The following GAK variants were observed in gnomAD, a reference collection of about 807,000 sequenced individuals.
The protein encoded by GAK is cyclin G associated kinase.
In GAK, 79 loss-of-function variants were observed where a neutral mutation model predicts 143.9. The observed-to-expected ratio is 0.55, with a 90% CI of 0.46 to 0.66. The LOEUF (loss-of-function observed/expected upper bound fraction) is 0.66, where lower values mean the gene tolerates loss of function less well. Ranked by LOEUF, GAK falls within the 30% of genes least tolerant of loss-of-function variation. The pLI is 0.00. For missense variants in GAK, 1,693 were observed against 1,779.7 expected, an observed-to-expected ratio of 0.95 and a Z score of 0.88; for synonymous variants, 881 against 765.5, an observed-to-expected ratio of 1.15 and a Z score of -2.49.
At chr4:864,975 T>A in intron 23 of GAK, 147 bp downstream of exon 23, 1 of 1,118,258 alleles carries the variant, frequency 8.9e-7, no homozygotes, top group Non-Finnish European at 1.2e-6. Context: ...CACAGCCTTG[T>A]GTGCGGAGCC....
intron 15 of GAK, among the ~76,000 whole-genome samples, chr4:881,038 C>T (rs1452151494): frequency 6.6e-6 from 1 of 152,178 alleles, no homozygotes; most frequent in Non-Finnish European, 1.5e-5. Context: ...ATGATCTCCT[C>T]CCCCCAAGGC....
At position 859,585 on chromosome 4, in the gene GAK, C is replaced by T. The variant is rs760204570; in HGVS notation, c.3283+21G>A. The T allele has an allele frequency of 2.6e-5, 42 of 1,590,502 alleles. No individual in the cohort carries two copies. The Admixed American group carries it at 3.0e-4, about 11-fold the overall frequency. On this transcript the variant is annotated intron_variant, in intron 24 of 27. Coordinates refer to ENST00000314167, the MANE Select transcript of GAK (RefSeq NM_005255.4). The stretch of plus-strand genomic sequence containing the variant: ...CTACAAGGAAACAGCTTCCACACCC[C>T]CAAAGTGCCCTCCACGTTACCTTGG...
intron 27 of GAK, 57 bp from the exon 28 acceptor site, chr4:849,831 A>AGGGGCGGG: frequency 1.0e-6 from 1 of 999,060 alleles, no homozygotes; most frequent in Non-Finnish European, 1.4e-6. Flanking sequence ...CGGGCGGGGC[A>AGGGGCGGG]GGACCCCCCC....
chr4:879,047 G>T (rs1164082088), intron 15 of GAK, among the ~76,000 whole-genome samples: 1 of 152,188 alleles, frequency 6.6e-6, no homozygotes, highest in African/African-American at 2.4e-5. Flanking sequence ...AAGAGAAATC[G>T]GCTTTCTCAG....
rs201822084 is a variant in GAK, at chr4:870,039, C to T, written c.2248+672G>A. ...AGCACACACAGATGCACTGTACACA[C>T]GAATGCACACAGCACACAGATACAC... On this transcript the variant is annotated intron_variant, in intron 19 of 27. Coordinates refer to ENST00000314167, the MANE Select transcript of GAK (RefSeq NM_005255.4). 8.7e-4 allele frequency: 134 copies of T among 153,206 alleles called. 2 individuals are homozygous for T. In the East Asian group the frequency reaches 0.019, roughly 21 times the overall value. 9.5% of individuals were successfully genotyped at this position (153,206 alleles called of 1,614,324 possible). A position where few individuals can be genotyped will look rare whatever the true frequency, so the allele number is the denominator to read the frequency against.
At position 851,061 on chromosome 4, in the gene GAK, T is replaced by C; in HGVS notation, c.3532A>G (p.Asn1178Asp). Residue 1178 changes from asparagine (N) to aspartate (D), a missense_variant, in exon 26 of 28, where the codon AAC becomes GAC. By Grantham distance (23) the Asn-to-Asp change is conservative. Coordinates refer to ENST00000314167, the MANE Select transcript of GAK (RefSeq NM_005255.4). ...SFAQKPKVSE[N>D]DFEDLLSNQG... ...TTGGACAACAGATCTTCAAAGTCGT[T>C]CTCAGAGACTTTTGGCTTTTGAGCT... 6.2e-7 allele frequency: 1 copy of C among 1,613,870 alleles called. No individual in the cohort carries two copies. The highest frequency in any genetic ancestry group is 8.5e-7 in the Non-Finnish European group (1 of 1,179,842).
chr4:917,063 G>C (rs952089393), intron 1 of GAK, among the ~76,000 whole-genome samples: 3 of 152,172 alleles, frequency 2.0e-5, no homozygotes, highest in Admixed American at 2.0e-4. Flanking sequence ...CCGAGTAAAA[G>C]ATGCCAGGCG....
chr4:905,464 ACGCCC>A (rs1181277815), intron 4 of GAK, among the ~76,000 whole-genome samples: 10 of 126,382 alleles, frequency 7.9e-5, no homozygotes, highest in Admixed American at 3.9e-4. Context: ...GGGCTCCGCC[ACGCCC>A]CATGCCATGC....
At chr4:856,583 CCACCACAGGTGCT>C (rs1241749635) in intron 24 of GAK, among the ~76,000 whole-genome samples, 11 of 73,448 alleles carry the variant, frequency 1.5e-4, no homozygotes, top group East Asian at 8.5e-4. Context: ...CAGCTGCTCA[CCACCACAGGTGCT>C]CACAGCTGCT....
rs189256273 is a variant in GAK at position 875,293 on chromosome 4, C to T, written c.2054+1237G>A. ...AAAAGAAACAAAATTATTAAAGTTG[C>T]GAATATGTGAGTTAAAAAAAGAAAA... On this transcript the variant is annotated intron_variant, in intron 18 of 27. Coordinates refer to ENST00000314167, the MANE Select transcript of GAK (RefSeq NM_005255.4). 1.4e-3 allele frequency among the ~76,000 whole-genome samples: 207 copies of T among 152,098 alleles called. No homozygotes were observed. In the Middle Eastern group the frequency reaches 0.024, roughly 17 times the overall value.
chr4:909,279 G>T (rs1721614176), intron 4 of GAK, among the ~76,000 whole-genome samples: 1 of 152,264 alleles, frequency 6.6e-6, no homozygotes, highest in African/African-American at 2.4e-5. Flanking sequence ...ACTGGTTTCA[G>T]CACCTCCCAG....
chr4:920,534 G>T (rs1249256135), intron 1 of GAK, among the ~76,000 whole-genome samples: 1 of 128,268 alleles, frequency 7.8e-6, no homozygotes, highest in East Asian at 2.6e-4. Flanking sequence ...AAAAGGTTTA[G>T]AGCCATTTTT....
chr4:914,218 C>T (rs1722584163), intron 1 of GAK, among the ~76,000 whole-genome samples: 1 of 84,986 alleles, frequency 1.2e-5, no homozygotes, highest in Non-Finnish European at 2.3e-5. Context: ...ACAGCCCCCA[C>T]ACACACAGCC....
intron 6 of GAK, among the ~76,000 whole-genome samples, chr4:896,829 T>C (rs1309108337): frequency 1.3e-5 from 2 of 152,268 alleles, no homozygotes; most frequent in East Asian, 1.9e-4. Context: ...ACCGACGTAT[T>C]GGCCTGCTGC....
Position 862,301 on chromosome 4 carries a change from C to T in GAK, c.3167-2579G>A, listed in dbSNP as rs111859143. On this transcript the variant is annotated intron_variant, in intron 23 of 27. Transcript: ENST00000314167. ...GTCATCCGCTAAGATCCGGCTGAGA[C>T]CACTGATGAAGCGGCTGCACCCGCC... Among the ~76,000 whole-genome samples the T allele has an allele frequency of 3.5e-3, 533 of 151,110 alleles. 4 individuals are homozygous for T. The highest frequency in any genetic ancestry group is 0.012 in the African/African-American group (476 of 41,048).
At chr4:863,459 G>A (rs1382893575) in intron 23 of GAK, among the ~76,000 whole-genome samples, 1 of 152,236 alleles carries the variant, frequency 6.6e-6, no homozygotes, top group East Asian at 1.9e-4. Flanking sequence ...GAAGCTCCAT[G>A]TGGGTAAACG....
At chr4:921,313 G>A (rs924017848) in intron 1 of GAK, among the ~76,000 whole-genome samples, 25 of 152,250 alleles carry the variant, frequency 1.6e-4, no homozygotes, top group African/African-American at 5.8e-4. Flanking sequence ...ATGTTGCCCA[G>A]GTTGGTCTCG....
Position 850,850 on chromosome 4 carries a change from C to T in GAK, c.3657+86G>A, listed in dbSNP as rs1748009147. The T allele has an allele frequency of 1.4e-5, 20 of 1,453,396 alleles. 1 individual carries two copies. The highest frequency in any genetic ancestry group is 4.0e-5 in the South Asian group (3 of 74,754). 90.0% of individuals were successfully genotyped at this position (1,453,396 alleles called of 1,614,324 possible). On this transcript the variant is annotated intron_variant, in intron 26 of 27. Transcript: ENST00000314167. ...GGGGTGAAAGGTTGCTGTCTGGAGA[C>T]GCCGGCTCCATAAGGCACAGCAGAT...
chr4:867,356 G>A lies in GAK; in HGVS notation c.2472C>T (p.Asp824=), dbSNP rs759764270. ...ESESALMEDR[D]ESEVSDEGGS... is the part of the protein sequence containing the mutation. Reference sequence around the variant, plus strand: ...CCCCTTCATCTGACACCTCACTCTCGTCTCTGTCCTCCATCAGGGCAGACT... The same window carrying A: ...CCCCTTCATCTGACACCTCACTCTCATCTCTGTCCTCCATCAGGGCAGACT... The change falls in exon 21 of 28, where the codon GAC becomes GAT. Residue 824 remains aspartate (D), a synonymous_variant. Transcript: ENST00000314167. 25 of 1,601,344 alleles carry A rather than the reference G, an allele frequency of 1.6e-5. No individual in the cohort carries two copies. Among genetic ancestry groups the A allele is most frequent in the East Asian group, 2.2e-5 (1 of 44,548 alleles).
Sources: allele counts gnomAD v4.1 joint callset (sites outside exome capture counted in the v4.1 genomes callset), GRCh38; gene constraint gnomAD v4.1.1; transcripts MANE v1.5; gene names NCBI Gene and HGNC (gene_info 2026-07-23, HGNC 2026-07-21).